TM4SF19: variants seen among roughly 807,000 people sequenced by gnomAD.
The protein encoded by TM4SF19 is transmembrane 4 L six family member 19, also known as transmembrane 4 L6 family member 19.
TM4SF19 carries 17 observed loss-of-function variants against 21.8 expected under a neutral mutation model. The observed-to-expected ratio is 0.78, with a 90% CI of 0.53 to 1.17. TM4SF19 has a LOEUF of 1.17. Ranked by LOEUF, TM4SF19 falls within the 50% of genes most tolerant of loss-of-function variation. The pLI is 0.00. For synonymous variants in TM4SF19, 107 were observed against 106.7 expected (o/e 1.00, Z -0.02); for missense variants, 216 against 252.1 (o/e 0.86, Z 0.97).
intron 1 of TM4SF19, among the ~76,000 whole-genome samples, chr3:196,328,553 T>C (rs185366261): frequency 2.0e-5 from 3 of 152,278 alleles, no homozygotes; most frequent in East Asian, 1.9e-4. Context: ...GCAAGACCTA[T>C]ATAGTAAGAA....
chr3:196,328,062 G>A (rs1727369602), intron 1 of TM4SF19, among the ~76,000 whole-genome samples: 1 of 152,206 alleles, frequency 6.6e-6, no homozygotes, highest in South Asian at 2.1e-4. Flanking sequence ...AGCACTTTGG[G>A]AGGCTGAGGC....
At chr3:196,330,119 G>A (rs1250465232) in intron 1 of TM4SF19, among the ~76,000 whole-genome samples, 4 of 149,818 alleles carry the variant, frequency 2.7e-5, no homozygotes, top group Admixed American at 1.4e-4. Context: ...TGATCTGCCC[G>A]CCTCGGCCTC....
Position 196,323,870 on chromosome 3 carries a change from C to G in TM4SF19, c.577G>C (p.Val193Leu), listed in dbSNP as rs752558879. Residue 193 changes from valine to leucine, a missense_variant, in exon 5 of 5, where the codon GTT (valine) becomes CTT (leucine). Val to Leu is a conservative substitution (Grantham distance 32). Coordinates refer to ENST00000273695, the MANE Select transcript of TM4SF19 (RefSeq NM_138461.4). ...CCCAGGAGGCTGTTGATGACATGAA[C>G]GACCACCAGGAGAAGCTGGAGCAGG... ...ISLLQLLLVV[V>L]HVINSLLGLF... 2 of 1,614,030 alleles carry G rather than the reference C, an allele frequency of 1.2e-6. No individual in the cohort carries two copies. The highest frequency in any genetic ancestry group is 1.6e-4 in the Middle Eastern group (1 of 6,084).
intron 1 of TM4SF19, among the ~76,000 whole-genome samples, chr3:196,337,866 G>A (rs918452844): frequency 6.6e-6 from 1 of 151,810 alleles, no homozygotes; most frequent in African/African-American, 2.4e-5. Flanking sequence ...CCCCTCAGCC[G>A]AATCTCTCCC....
chr3:196,326,543 T>C (rs892038912), intron 3 of TM4SF19, among the ~76,000 whole-genome samples: 4 of 152,148 alleles, frequency 2.6e-5, no homozygotes, highest in Admixed American at 1.3e-4. Flanking sequence ...ATCTAGTGAT[T>C]AGATGATCTC....
At position 196,334,375 on chromosome 3, in the gene TM4SF19, C is replaced by A. The variant is rs562316653; in HGVS notation, c.-2+3889G>T. 4.7e-5 allele frequency among the ~76,000 whole-genome samples: 7 copies of A among 149,044 alleles called. No homozygotes were observed. In the East Asian group the frequency reaches 1.4e-3, roughly 29 times the overall value. Reference sequence around the variant, plus strand: ...TTTTCAAGACTGTAGCTTTTCTTTTCTTTTTCTTTTTTTTTTTGAGATGGA... The same window carrying A: ...TTTTCAAGACTGTAGCTTTTCTTTTATTTTTCTTTTTTTTTTTGAGATGGA... On this transcript the variant is annotated intron_variant, in intron 1 of 4. Transcript: ENST00000273695.
Position 196,329,867 on chromosome 3 carries a change from GTGT to G in TM4SF19, c.-1-2279_-1-2277del, listed in dbSNP as rs1417202520. 2.5e-5 allele frequency among the ~76,000 whole-genome samples: 3 copies of G among 118,192 alleles called. 1 individual carries two copies. In the Admixed American group the frequency reaches 2.9e-4, roughly 12 times the overall value. 77.5% of individuals were successfully genotyped at this position (118,192 alleles called of 152,430 possible). ...TACAGAGGTTTTCAGGTTTTGTTTT[GTGT>G]TGTTTTGTTTTTTTTTTTTGAGACA... is the stretch of plus-strand genomic sequence containing the variant. On this transcript the variant is annotated intron_variant, in intron 1 of 4. Transcript: ENST00000273695.
intron 1 of TM4SF19, among the ~76,000 whole-genome samples, chr3:196,332,248 C>T (rs1198038120): frequency 6.7e-5 from 10 of 150,084 alleles, no homozygotes; most frequent in African/African-American, 2.0e-4. Flanking sequence ...GAGTGAGATT[C>T]GGTCTCAAAA....
intron 1 of TM4SF19, among the ~76,000 whole-genome samples, chr3:196,332,053 G>A (rs1168665750): frequency 6.6e-6 from 1 of 152,142 alleles, no homozygotes; most frequent in South Asian, 2.1e-4. Flanking sequence ...GGTGGATCAC[G>A]AGGTCAGGAG....
In TM4SF19 at chr3:196,337,051, C is replaced by CTTTTTT. The variant is rs35897935; in HGVS notation, c.-2+1207_-2+1212dup. Among the ~76,000 whole-genome samples, 113 of 67,832 alleles carry CTTTTTT rather than the reference C, an allele frequency of 1.7e-3. 5 individuals carry two copies. Among genetic ancestry groups the CTTTTTT allele is most frequent in the Non-Finnish European group, 2.5e-3 (98 of 39,120 alleles). 44.5% of individuals were successfully genotyped at this position (67,832 alleles called of 152,430 possible). A position where few individuals can be genotyped will look rare whatever the true frequency, so the allele number is the denominator to read the frequency against. ...GACACTGCTGACGCAAAAAGCAATT[C>CTTTTTT]TTTTTTTTTTTTTTTTTTTTTTTTT... On this transcript the variant is annotated intron_variant, in intron 1 of 4. Transcript: ENST00000273695.
rs199499858 is a variant in TM4SF19, at chr3:196,323,825, C to T, written c.622G>A (p.Glu208Lys). The part of the protein sequence containing the change: ...SLLGLFCSLC[E>K]K ...AGTGAAGGTTCTGCCTGTCACTTCT[C>T]GCAGAGGCTGCAGAAAAGGCCCAGG... The change falls in exon 5 of 5, where the codon GAG becomes AAG. Residue 208 changes from glutamate to lysine, a missense_variant. By Grantham distance (56) the Glu-to-Lys change is moderately conservative. Transcript: ENST00000273695. The T allele has an allele frequency of 2.0e-5, 33 of 1,613,526 alleles. No homozygotes were observed. The highest frequency in any genetic ancestry group is 1.8e-4 in the Admixed American group (11 of 59,978).
At chr3:196,326,579 A>C (rs1429037286) in intron 3 of TM4SF19, among the ~76,000 whole-genome samples, 1 of 152,224 alleles carries the variant, frequency 6.6e-6, no homozygotes, top group Non-Finnish European at 1.5e-5. Context: ...TTCTAAGAAA[A>C]TATTAGTTAA....
At chr3:196,330,096 TC>T (rs773296271) in intron 1 of TM4SF19, among the ~76,000 whole-genome samples, 2 of 151,996 alleles carry the variant, frequency 1.3e-5, no homozygotes, top group Non-Finnish European at 2.9e-5. Context: ...GGTCTTGAAC[TC>T]CTGACCTCAG....
intron 3 of TM4SF19, among the ~76,000 whole-genome samples, chr3:196,326,324 TGGG>T (rs1727287854): frequency 6.6e-6 from 1 of 152,112 alleles, no homozygotes; most frequent in Non-Finnish European, 1.5e-5. Context: ...TCCCAACATG[TGGG>T]CTGCAGATAT....
intron 2 of TM4SF19, 148 bp downstream of exon 2, chr3:196,327,242 C>T (rs1727328579): frequency 2.3e-6 from 2 of 857,520 alleles, no homozygotes; most frequent in Non-Finnish European, 3.6e-6. Context: ...AGCTAGGCTT[C>T]CTGTCTCTTA....
In TM4SF19 at chr3:196,323,990, G is replaced by C. The variant is rs748526139; in HGVS notation, c.457C>G (p.Leu153Val). 39 of 1,613,922 alleles carry C rather than the reference G, an allele frequency of 2.4e-5. No homozygotes were observed. The East Asian group carries it at 8.2e-4, about 34-fold the overall frequency. ...PFKDLHSRNYLYDRSLWNSVC... is the reference protein window; with the variant it reads ...PFKDLHSRNYVYDRSLWNSVC... Reference sequence around the variant, plus strand: ...GAGTTCCAGAGCGAACGGTCATACAGATAATTCCTATCCCAAAAAATAAGG... The same window carrying C: ...GAGTTCCAGAGCGAACGGTCATACACATAATTCCTATCCCAAAAAATAAGG... Residue 153 changes from leucine (L) to valine (V), a missense_variant, in exon 5 of 5, where the codon CTG becomes GTG. Leu to Val is a conservative substitution (Grantham distance 32). Coordinates refer to ENST00000273695, the MANE Select transcript of TM4SF19 (RefSeq NM_138461.4).
At chr3:196,326,820 C>CT in intron 3 of TM4SF19, 135 bp downstream of exon 3, 1 of 590,154 alleles carries the variant, frequency 1.7e-6, no homozygotes, top group East Asian at 2.8e-5. Flanking sequence ...TGCCCAAGAA[C>CT]TTAGCGTTAC....
chr3:196,326,931 A>G, intron 3 of TM4SF19, 24 bp downstream of exon 3: 1 of 1,592,548 alleles, frequency 6.3e-7, no homozygotes, highest in African/African-American at 1.3e-5. Flanking sequence ...TCTGGGTGTT[A>G]GAAGAGTGGA....
chr3:196,324,244 A>G (rs779477154), intron 4 of TM4SF19, 27 bp downstream of exon 4: 1 of 1,610,878 alleles, frequency 6.2e-7, no homozygotes, highest in Non-Finnish European at 8.5e-7. Flanking sequence ...GTCTGAAAAG[A>G]CCAAGCCCAA....
Sources: allele counts gnomAD v4.1 joint callset (sites outside exome capture counted in the v4.1 genomes callset), GRCh38; gene constraint gnomAD v4.1.1; transcripts MANE v1.5; gene names NCBI Gene and HGNC (gene_info 2026-07-23, HGNC 2026-07-21).